Variants in LMNA observed in about 807,000 individuals in gnomAD.
LMNA encodes lamin.
In LMNA, 20 loss-of-function variants were observed where a neutral mutation model predicts 70.4. The observed-to-expected ratio is 0.28, with a 90% CI of 0.20 to 0.41. The LOEUF is 0.41. Among genes scored for constraint, LMNA ranks in the 10% least tolerant of loss-of-function variants. LMNA has a pLI of 1.00. For synonymous variants in LMNA, 339 were observed against 372.8 expected, an observed-to-expected ratio of 0.91 and a Z score of 1.04; for missense variants, 652 against 917.2, an observed-to-expected ratio of 0.71 and a Z score of 3.73.
rs1311000055 is a variant in LMNA, at chr1:156,139,980, G to A, written c.*874G>A. On this transcript the variant is annotated 3_prime_UTR_variant, in exon 12 of 12. Coordinates refer to ENST00000368300, the MANE Select transcript of LMNA (RefSeq NM_170707.4). Reference sequence around the variant, plus strand: ...AGGAGGAAGGCAAGAGGGGGTGGAGGGGTGTGGCAGTGGTTTTGGCAAACG... The same window carrying A: ...AGGAGGAAGGCAAGAGGGGGTGGAGAGGTGTGGCAGTGGTTTTGGCAAACG... 4 of 735,100 alleles carry A rather than the reference G, an allele frequency of 5.4e-6. No individual in the cohort carries two copies. The highest frequency in any genetic ancestry group is 8.4e-6 in the Non-Finnish European group (4 of 478,130). The allele number at this position is 735,100 out of a possible 1,614,324, so 45.5% of individuals were successfully genotyped here. A position where few individuals can be genotyped will look rare whatever the true frequency, so the allele number is the denominator to read the frequency against.
intron 2 of LMNA, among the ~76,000 whole-genome samples, chr1:156,086,258 G>A (rs1326303087): frequency 2.6e-5 from 4 of 152,220 alleles, no homozygotes; most frequent in Non-Finnish European, 4.4e-5. Context: ...CACTGGAGGA[G>A]ATTTATTCTG....
intron 1 of LMNA, among the ~76,000 whole-genome samples, chr1:156,124,295 CTCTTT>C (rs1650398014): frequency 1.3e-5 from 2 of 151,412 alleles, no homozygotes; most frequent in Admixed American, 6.6e-5. Context: ...CTCTCTCTCT[CTCTTT>C]TTTTTTGAGA....
Position 156,123,824 on chromosome 1 carries a change from A to G in LMNA, c.357-6793A>G, listed in dbSNP as rs899579405. Among the ~76,000 whole-genome samples, 8 of 152,310 alleles carry G rather than the reference A, an allele frequency of 5.3e-5. No homozygotes were observed. The South Asian group carries it at 1.0e-3, about 20-fold the overall frequency. On this transcript the variant is annotated intron_variant, in intron 1 of 11. Transcript: ENST00000368300. ...GGCCTCAGGCTTCTCCTGCCTCTGT[A>G]CAATGCCACGTTGATACGCCCAGCA...
chr1:156,088,974 T>A (rs572715501), intron 2 of LMNA, among the ~76,000 whole-genome samples: 119 of 152,312 alleles, frequency 7.8e-4, no homozygotes, highest in African/African-American at 2.6e-3. Flanking sequence ...TTGATTAATT[T>A]ATTTGTTTGT....
At chr1:156,125,637 C>G (rs567502722) in intron 1 of LMNA, among the ~76,000 whole-genome samples, 4 of 150,484 alleles carry the variant, frequency 2.7e-5, no homozygotes, top group African/African-American at 9.8e-5. Context: ...TGCAGGGAGC[C>G]GAGATCGCGC....
At chr1:156,088,292 A>AT (rs1338021081) in intron 2 of LMNA, among the ~76,000 whole-genome samples, 1 of 152,112 alleles carries the variant, frequency 6.6e-6, no homozygotes, top group Non-Finnish European at 1.5e-5. Flanking sequence ...CAACACATTA[A>AT]TTAATTTAAT....
chr1:156,091,330 C>T (rs1278340991), intron 3 of LMNA, among the ~76,000 whole-genome samples: 1 of 152,166 alleles, frequency 6.6e-6, no homozygotes, highest in Non-Finnish European at 1.5e-5. Context: ...TGGCCAGGTG[C>T]GGTGGCTCAC....
Position 156,137,386 on chromosome 1 carries a change from CAA to C in LMNA, c.1608+157_1608+158del, listed in dbSNP as rs993819860. 4.0e-6 allele frequency: 4 copies of C among 993,224 alleles called. No homozygotes were observed. The African/African-American group carries it at 6.4e-5, about 16-fold the overall frequency. The allele number at this position is 993,224 out of a possible 1,614,324, so 61.5% of individuals were successfully genotyped here. ...AGACTTCTCCACCCAGTAGGCAAAC[CAA>C]AAGATGCTTCCTCAACAGCACAAGG... On this transcript the variant is annotated intron_variant, in intron 9 of 11. Coordinates refer to ENST00000368300, the MANE Select transcript of LMNA (RefSeq NM_170707.4). The surrounding 1 kb of genome is among the most constrained non-coding windows in gnomAD (Gnocchi z 4.6).
At position 156,109,107 on chromosome 1, in the gene LMNA, AG is replaced by A. The variant is rs533801482; in HGVS notation, c.-206-5605del. On this transcript the variant is annotated intron_variant, in intron 3 of 12. Transcript: ENST00000368301. ...GGGCTATTAATAGTATCTACCTTGT[AG>A]AGCTATTGTATTGGTCCAACAAAAT... Among the ~76,000 whole-genome samples the A allele has an allele frequency of 2.5e-3, 378 of 152,316 alleles. 1 individual carries two copies. The highest frequency in any genetic ancestry group is 6.8e-3 in the Middle Eastern group (2 of 294).
chr1:156,113,328 AAAAC>A (rs200089206), upstream of LMNA, among the ~76,000 whole-genome samples: 1,216 of 152,020 alleles, frequency 8.0e-3, 10 homozygotes, highest in African/African-American at 0.026. Context: ...ACAAACAAAA[AAAAC>A]AAACAAACAG....
At chr1:156,097,135 C>T (rs1335279797) in intron 3 of LMNA, among the ~76,000 whole-genome samples, 1 of 152,112 alleles carries the variant, frequency 6.6e-6, no homozygotes, top group Non-Finnish European at 1.5e-5. Flanking sequence ...GATCTAGGAA[C>T]CAGACACAAT....
rs1651668319 is a variant in LMNA, at chr1:156,136,693, C to A, written c.1381-228C>A. 3 of 670,052 alleles carry A rather than the reference C, an allele frequency of 4.5e-6. No individual in the cohort carries two copies. Among genetic ancestry groups the A allele is most frequent in the African/African-American group, 3.6e-5 (2 of 56,236 alleles). The allele number at this position is 670,052 out of a possible 1,614,324, so 41.5% of individuals were successfully genotyped here. A position where few individuals can be genotyped will look rare whatever the true frequency, so the allele number is the denominator to read the frequency against. ...TGGGGATGAATACTGATCCCTAAGT[C>A]TTTGAGTTGTCAGGAAGATGAAAGA... On this transcript the variant is annotated intron_variant, in intron 7 of 11. Transcript: ENST00000368300. This position sits in a 1 kb window ranked among gnomAD's most constrained non-coding sequence, Gnocchi z 6.1.
chr1:156,120,281 G>A (rs571491129), intron 1 of LMNA, among the ~76,000 whole-genome samples: 1 of 152,354 alleles, frequency 6.6e-6, no homozygotes, highest in South Asian at 2.1e-4. Context: ...CAGGCCTTAT[G>A]ACTTCCAGCT....
Position 156,136,680 on chromosome 1 carries a change from C to G in LMNA, c.1381-241C>G. The G allele has an allele frequency of 1.5e-6, 1 of 667,926 alleles. No homozygotes were observed. The highest frequency in any genetic ancestry group is 2.7e-6 in the Non-Finnish European group (1 of 373,298). The allele number at this position is 667,926 out of a possible 1,614,324, so 41.4% of individuals were successfully genotyped here. On this transcript the variant is annotated intron_variant, in intron 7 of 11. Transcript: ENST00000368300. The surrounding 1 kb of genome is among the most constrained non-coding windows in gnomAD (Gnocchi z 6.1). ...CTCATCTGTAAAATGGGGATGAATA[C>G]TGATCCCTAAGTCTTTGAGTTGTCA... is the stretch of plus-strand genomic sequence containing the variant.
At chr1:156,124,763 T>A (rs549649724) in intron 1 of LMNA, among the ~76,000 whole-genome samples, 1 of 151,990 alleles carries the variant, frequency 6.6e-6, no homozygotes, top group East Asian at 1.9e-4. Context: ...TCAAACCTCA[T>A]GATTGGCCGC....
intron 1 of LMNA, among the ~76,000 whole-genome samples, chr1:156,116,195 G>A (rs1467939970): frequency 6.6e-6 from 1 of 152,150 alleles, no homozygotes; most frequent in African/African-American, 2.4e-5. Context: ...TTCCCAGCGG[G>A]GCCAGGCAGT....
At chr1:156,090,415 G>A (rs1011635845) in intron 2 of LMNA, 2 of 152,142 alleles carry the variant, frequency 1.3e-5, no homozygotes, top group Non-Finnish European at 2.9e-5. Context: ...GGTGGGAAGG[G>A]ACTTGACGTT....
At chr1:156,084,341 G>T (rs1030662944) in intron 2 of LMNA, among the ~76,000 whole-genome samples, 3 of 127,240 alleles carry the variant, frequency 2.4e-5, no homozygotes, top group Non-Finnish European at 5.1e-5. Flanking sequence ...GGGGTGGTGG[G>T]GGCAGTTGGC....
At chr1:156,117,969 ATTTT>A (rs1186679791) in intron 1 of LMNA, among the ~76,000 whole-genome samples, 9 of 91,904 alleles carry the variant, frequency 9.8e-5, no homozygotes, top group African/African-American at 1.8e-4. Flanking sequence ...CGCTTGGCTA[ATTTT>A]TTTTTTTTTT....
Sources: gnomAD v4.1 joint callset for allele counts (sites outside exome capture counted in the v4.1 genomes callset) on GRCh38, gnomAD v4.1.1 for gene constraint, Gnocchi (gnomAD v3.1) non-coding constraint, MANE v1.5 for transcripts, NCBI Gene and HGNC (gene_info 2026-07-23, HGNC 2026-07-21) for gene names.